The following SLIT1 variants were observed in gnomAD, a reference collection of about 807,000 sequenced individuals.
SLIT1 encodes the protein slit homolog 1 protein.
In SLIT1, 66 loss-of-function variants were observed where a neutral mutation model predicts 186.1. That is an observed-to-expected ratio of 0.35 (90% CI 0.29 to 0.44). The LOEUF (loss-of-function observed/expected upper bound fraction) is 0.44. SLIT1 is among the 20% of genes least tolerant of loss of function. SLIT1 has a pLI of 1.00. For synonymous variants in SLIT1, 761 were observed against 833.8 expected (o/e 0.91, Z 1.50); for missense variants, 1,638 against 2,037.4 (o/e 0.80, Z 3.77).
intron 4 of SLIT1, among the ~76,000 whole-genome samples, chr10:97,132,062 G>A (rs1849659530): frequency 6.6e-6 from 1 of 152,176 alleles, no homozygotes; most frequent in South Asian, 2.1e-4. Context: ...GAAGCTCCGG[G>A]ACGATGCCCC....
Position 97,054,621 on chromosome 10 carries a change from C to G in SLIT1, c.1301+1700G>C, listed in dbSNP as rs920705008. The stretch of plus-strand genomic sequence containing the variant: ...AAGTCCACAATCCCATCTATAAAAT[C>G]ATCTTGCCAAATAAATCAATCAAAA... On this transcript the variant is annotated intron_variant, in intron 13 of 36. Transcript: ENST00000266058. 3.3e-5 allele frequency among the ~76,000 whole-genome samples: 5 copies of G among 152,198 alleles called. No individual in the cohort carries two copies. The South Asian group carries it at 8.3e-4, about 25-fold the overall frequency.
chr10:97,119,467 C>T (rs1217094826), intron 4 of SLIT1, among the ~76,000 whole-genome samples: 1 of 152,146 alleles, frequency 6.6e-6, no homozygotes, highest in African/African-American at 2.4e-5. Context: ...GACATGGGGC[C>T]TTGCTAATTA....
intron 11 of SLIT1, 70 bp from the exon 12 acceptor site, chr10:97,057,351 G>C: frequency 2.3e-6 from 3 of 1,318,308 alleles, no homozygotes; most frequent in Non-Finnish European, 2.2e-6. Flanking sequence ...CTCTGCAGAC[G>C]GCCCCAGCTC....
chr10:97,117,220 C>A (rs1849517271), intron 4 of SLIT1, among the ~76,000 whole-genome samples: 1 of 151,984 alleles, frequency 6.6e-6, no homozygotes, highest in South Asian at 2.1e-4. Context: ...ATCAAGGAGC[C>A]CAACCCTGAA....
intron 4 of SLIT1, among the ~76,000 whole-genome samples, chr10:97,078,271 CA>C (rs1849065428): frequency 6.6e-6 from 1 of 152,228 alleles, no homozygotes; most frequent in African/African-American, 2.4e-5. Flanking sequence ...ACTGAGCACC[CA>C]ACATGTGCCA....
At chr10:97,139,114 C>T (rs1849732811) in intron 4 of SLIT1, among the ~76,000 whole-genome samples, 2 of 152,190 alleles carry the variant, frequency 1.3e-5, no homozygotes, top group Non-Finnish European at 2.9e-5. Context: ...GCCCAGGGTC[C>T]CCACGGCCAA....
intron 28 of SLIT1, among the ~76,000 whole-genome samples, chr10:97,017,244 A>G (rs1848461966): frequency 6.6e-6 from 1 of 152,186 alleles, no homozygotes; most frequent in South Asian, 2.1e-4. Flanking sequence ...GGCTGGGTGC[A>G]GAGTGTAAGG....
intron 1 of SLIT1, among the ~76,000 whole-genome samples, chr10:97,182,753 G>A (rs1850356478): frequency 6.6e-6 from 1 of 152,200 alleles, no homozygotes. Context: ...GCCAGAGCAT[G>A]TTTCAGCCCC....
intron 13 of SLIT1, among the ~76,000 whole-genome samples, chr10:97,054,218 G>A (rs780672276): frequency 1.3e-5 from 2 of 151,694 alleles, no homozygotes; most frequent in Admixed American, 6.6e-5. Flanking sequence ...TTCTTACTCT[G>A]AGCTCATGCA....
rs1012027292 is a variant in SLIT1 at position 97,078,130 on chromosome 10, A to T, written c.414-12044T>A. Among the ~76,000 whole-genome samples the T allele has an allele frequency of 3.9e-5, 6 of 152,276 alleles. No individual in the cohort carries two copies. In the South Asian group the frequency reaches 1.2e-3, roughly 32 times the overall value. Reference sequence around the variant, plus strand: ...TCAAAAATTTAAAAAATAAATAAATAAAATAAAATGTGGAACAGCCAACAT... The same window carrying T: ...TCAAAAATTTAAAAAATAAATAAATTAAATAAAATGTGGAACAGCCAACAT... On this transcript the variant is annotated intron_variant, in intron 4 of 36. Coordinates refer to ENST00000266058, the MANE Select transcript of SLIT1 (RefSeq NM_003061.3).
chr10:97,155,603 G>A (rs7076576), intron 4 of SLIT1, among the ~76,000 whole-genome samples: 1,952 of 152,262 alleles, frequency 0.013, 48 homozygotes, highest in African/African-American at 0.045. Flanking sequence ...ATCAATGAGG[G>A]AGAGTGAAAG....
intron 4 of SLIT1, chr10:97,103,330 C>G (rs1849379560): frequency 6.6e-6 from 1 of 152,158 alleles, no homozygotes; most frequent in African/African-American, 2.4e-5. Flanking sequence ...CAGGACAGAT[C>G]AGGACAAAGC....
intron 4 of SLIT1, among the ~76,000 whole-genome samples, chr10:97,108,886 C>CAAA (rs11355026): frequency 3.4e-4 from 16 of 46,768 alleles, no homozygotes; most frequent in African/African-American, 7.3e-4. Flanking sequence ...GTCTCAGTCT[C>CAAA]AAAAAAAAAA....
intron 4 of SLIT1, among the ~76,000 whole-genome samples, chr10:97,080,775 A>T (rs150927239): frequency 1.6e-4 from 24 of 152,402 alleles, no homozygotes; most frequent in Admixed American, 3.3e-4. Flanking sequence ...GTCATTTGAC[A>T]AATTGGCCAT....
At position 97,066,046 on chromosome 10, in the gene SLIT1, C is replaced by T. The variant is rs568226890; in HGVS notation, c.454G>A (p.Ala152Thr). 2 of 1,606,670 alleles carry T rather than the reference C, an allele frequency of 1.2e-6. No homozygotes were observed. Among genetic ancestry groups the T allele is most frequent in the Admixed American group, 1.7e-5 (1 of 59,402 alleles). The stretch of plus-strand genomic sequence containing the variant: ...TTAAGGTCCGTAGCTCCCCGAAAAG[C>T]TTTCCTGGGGATGGCCTGGATGGCG... Reference protein sequence around the residue: ...ENAIQAIPRKAFRGATDLKNL... With the variant: ...ENAIQAIPRKTFRGATDLKNL... Residue 152 changes from alanine to threonine, a missense_variant, in exon 5 of 37, where the codon GCT (alanine) becomes ACT (threonine). This residue lies in a region of SLIT1 where 1,245 missense variants were observed against 1,535.3 expected (regional missense o/e 0.81). Coordinates refer to ENST00000266058, the MANE Select transcript of SLIT1 (RefSeq NM_003061.3).
chr10:97,141,776 T>TCGTATCGTATCGTATCGTATC, intron 4 of SLIT1, among the ~76,000 whole-genome samples: 1 of 149,476 alleles, frequency 6.7e-6, no homozygotes. Flanking sequence ...TGTATCGTAC[T>TCGTATCGTATCGTATCGTATC]GTATTGTATT....
intron 10 of SLIT1, 128 bp from the exon 11 acceptor site, chr10:97,059,659 G>A: frequency 1.4e-6 from 1 of 726,008 alleles, no homozygotes; most frequent in Non-Finnish European, 2.5e-6. Flanking sequence ...AATAGTGAGA[G>A]GCCAGATCTC....
chr10:97,058,736 G>T (rs1236652441), intron 11 of SLIT1, among the ~76,000 whole-genome samples: 1 of 152,202 alleles, frequency 6.6e-6, no homozygotes, highest in Non-Finnish European at 1.5e-5. Context: ...TGCTGCCAAG[G>T]AGCAGGTGAA....
At chr10:97,152,642 C>T (rs1465664439) in intron 4 of SLIT1, among the ~76,000 whole-genome samples, 1 of 152,242 alleles carries the variant, frequency 6.6e-6, no homozygotes, top group Admixed American at 6.5e-5. Flanking sequence ...CCTCAGACTA[C>T]AGAGGCTTTT....
Sources: allele counts gnomAD v4.1 joint callset (sites outside exome capture counted in the v4.1 genomes callset), GRCh38; gene constraint gnomAD v4.1.1; regional missense constraint gnomAD v4.1.1; transcripts MANE v1.5; gene names NCBI Gene and HGNC (gene_info 2026-07-23, HGNC 2026-07-21).